The following COP1 variants were observed in gnomAD, a reference collection of about 807,000 sequenced individuals.
The protein encoded by COP1 is E3 ubiquitin-protein ligase COP1.
Under a neutral mutation model 101.3 loss-of-function variants are expected in COP1, and 24 were observed. That is an observed-to-expected ratio of 0.24 (90% CI 0.17 to 0.33). The LOEUF is 0.33. Among genes scored for constraint, COP1 ranks in the 10% least tolerant of loss-of-function variants. The pLI is 1.00. For synonymous variants in COP1, 347 were observed against 341.9 expected, an observed-to-expected ratio of 1.01 and a Z score of -0.17; for missense variants, 663 against 906.2, an observed-to-expected ratio of 0.73 and a Z score of 3.45.
At chr1:176,184,416 G>A (rs570441442) in intron 2 of COP1, among the ~76,000 whole-genome samples, 1 of 152,174 alleles carries the variant, frequency 6.6e-6, no homozygotes, top group East Asian at 1.9e-4. Context: ...AAATCCATCA[G>A]TAAGGCCTAT....
chr1:176,023,424 G>C (rs568256588), intron 15 of COP1, among the ~76,000 whole-genome samples: 21 of 152,112 alleles, frequency 1.4e-4, no homozygotes, highest in Non-Finnish European at 3.1e-4. Context: ...AATTCACCTA[G>C]AAAAAGTAAA....
chr1:176,040,286 T>C (rs1670289045), intron 14 of COP1, among the ~76,000 whole-genome samples: 2 of 151,976 alleles, frequency 1.3e-5, no homozygotes, highest in African/African-American at 4.8e-5. Context: ...CTCTCTCTCC[T>C]TCTCCCTCTC....
chr1:176,145,137 T>C (rs906953339), intron 6 of COP1, among the ~76,000 whole-genome samples: 3 of 152,134 alleles, frequency 2.0e-5, no homozygotes, highest in Non-Finnish European at 4.4e-5. Context: ...ATCTAGAATA[T>C]ATAAATATCA....
intron 19 of COP1, 136 bp downstream of exon 19, chr1:175,947,059 C>T: frequency 1.5e-6 from 1 of 682,058 alleles, no homozygotes; most frequent in South Asian, 1.9e-5. Context: ...TCCCTTAAAT[C>T]AAGCCATTTG....
At chr1:176,027,720 G>T in intron 14 of COP1, 32 bp from the exon 15 acceptor site, 1 of 1,298,692 alleles carries the variant, frequency 7.7e-7, no homozygotes, top group South Asian at 1.2e-5. Flanking sequence ...AACAAAAAGA[G>T]AAACAAGTAA....
intron 18 of COP1, among the ~76,000 whole-genome samples, chr1:175,980,952 A>T (rs74127154): frequency 0.11 from 16,376 of 152,118 alleles, 968 homozygotes; most frequent in Middle Eastern, 0.16. Context: ...AGGAACAAAT[A>T]TATTCATTTG....
At chr1:176,033,251 A>T (rs936978751) in intron 14 of COP1, among the ~76,000 whole-genome samples, 1 of 151,836 alleles carries the variant, frequency 6.6e-6, no homozygotes, top group South Asian at 2.1e-4. Flanking sequence ...ATCTCTATTT[A>T]AAAAAATACA....
intron 6 of COP1, among the ~76,000 whole-genome samples, chr1:176,141,524 A>ACAG (rs1022129711): frequency 1.3e-5 from 2 of 151,902 alleles, no homozygotes; most frequent in African/African-American, 4.8e-5. Context: ...ATACATACAT[A>ACAG]CAGCAGCAAA....
intron 6 of COP1, among the ~76,000 whole-genome samples, chr1:176,147,567 C>T (rs1691754380): frequency 1.3e-5 from 2 of 151,876 alleles, no homozygotes; most frequent in African/African-American, 2.4e-5. Flanking sequence ...CCACCTACTA[C>T]AAGAAAATAT....
At chr1:176,124,421 C>A (rs978523277) in intron 8 of COP1, among the ~76,000 whole-genome samples, 1 of 151,152 alleles carries the variant, frequency 6.6e-6, no homozygotes, top group Non-Finnish European at 1.5e-5. Flanking sequence ...CCCCCAGCCC[C>A]GTACTACCCC....
At chr1:175,990,906 A>AT (rs58801318) in intron 15 of COP1, among the ~76,000 whole-genome samples, 19,165 of 145,968 alleles carry the variant, frequency 0.13, 1,492 homozygotes, top group Admixed American at 0.2. Context: ...CTGGATTCTA[A>AT]TTTTTTTTTT....
At chr1:176,108,468 C>A (rs181470242) in intron 9 of COP1, among the ~76,000 whole-genome samples, 1 of 152,018 alleles carries the variant, frequency 6.6e-6, no homozygotes, top group African/African-American at 2.4e-5. Flanking sequence ...GTATAATTAC[C>A]AAATCAAACT....
intron 9 of COP1, among the ~76,000 whole-genome samples, chr1:176,101,884 A>G (rs2149508758): frequency 6.6e-6 from 1 of 152,308 alleles, no homozygotes; most frequent in South Asian, 2.1e-4. Context: ...CCCTGTCAGC[A>G]GGAAGCAGTT....
intron 9 of COP1, among the ~76,000 whole-genome samples, chr1:176,105,523 A>G (rs905865237): frequency 1.3e-5 from 2 of 152,176 alleles, no homozygotes; most frequent in Non-Finnish European, 2.9e-5. Context: ...GACCATGCAA[A>G]TAAGTAAGTG....
intron 15 of COP1, among the ~76,000 whole-genome samples, chr1:176,005,606 T>C (rs891773293): frequency 6.6e-6 from 1 of 152,240 alleles, no homozygotes; most frequent in Non-Finnish European, 1.5e-5. Flanking sequence ...CATTTCGTTA[T>C]GTACCCAGTA....
intron 15 of COP1, among the ~76,000 whole-genome samples, chr1:176,005,322 T>A (rs1490097267): frequency 6.6e-6 from 1 of 152,212 alleles, no homozygotes; most frequent in East Asian, 1.9e-4. Context: ...TTCCTTAATT[T>A]TTGTAGGGTT....
intron 10 of COP1, among the ~76,000 whole-genome samples, chr1:176,084,173 A>G (rs531959393): frequency 6.6e-6 from 1 of 152,280 alleles, no homozygotes; most frequent in Admixed American, 6.5e-5. Context: ...AAGGGTTAAC[A>G]TGAACTCTAC....
At chr1:176,036,235 T>G (rs1669518654) in intron 14 of COP1, among the ~76,000 whole-genome samples, 1 of 151,650 alleles carries the variant, frequency 6.6e-6, no homozygotes. Flanking sequence ...TGACATAAAC[T>G]TCAATCTTCA....
intron 15 of COP1, among the ~76,000 whole-genome samples, chr1:176,024,483 T>C (rs538547876): frequency 2.0e-5 from 3 of 152,024 alleles, no homozygotes; most frequent in Non-Finnish European, 2.9e-5. Context: ...AGATAAAAAA[T>C]TACTCAAACT....
Sources: gnomAD v4.1 joint callset for allele counts (sites outside exome capture counted in the v4.1 genomes callset) on GRCh38, gnomAD v4.1.1 for gene constraint, MANE v1.5 for transcripts, NCBI Gene and HGNC (gene_info 2026-07-23, HGNC 2026-07-21) for gene names.